The following RP1 variants were observed in gnomAD, a reference collection of about 807,000 sequenced individuals.
The protein encoded by RP1 is oxygen-regulated protein 1.
Under a neutral mutation model 14.8 loss-of-function variants are expected in RP1, and 16 were observed. The ratio of observed to expected loss-of-function variants is 1.08; its 90% confidence interval spans 0.73 to 1.65. RP1 has a LOEUF of 1.65. Among genes scored for constraint, RP1 ranks in the 40% most tolerant of loss-of-function variants. The pLI is 0.00. For synonymous variants in RP1, 876 were observed against 883.6 expected (o/e 0.99, Z 0.15); for missense variants, 2,631 against 2,535.0 (o/e 1.04, Z -0.81).
chr8:54,662,831 T>G (rs1167924808), intron 6 of RP1, among the ~76,000 whole-genome samples: 1 of 152,178 alleles, frequency 6.6e-6, no homozygotes, highest in Non-Finnish European at 1.5e-5. Context: ...GATCTTCATA[T>G]AGCTGTTCTA....
chr8:54,758,227 A>C (rs1234387284), intron 21 of RP1, among the ~76,000 whole-genome samples: 1 of 152,174 alleles, frequency 6.6e-6, no homozygotes, highest in African/African-American at 2.4e-5. Flanking sequence ...TCTCGACAAC[A>C]ATCTACGAGA....
At chr8:54,679,534 T>C (rs774186101) in intron 10 of RP1, 5 of 1,535,628 alleles carry the variant, frequency 3.3e-6, no homozygotes. Context: ...GAAAACTCTT[T>C]TATGATGACT....
chr8:54,587,838 A>G (rs980856162), intron 1 of RP1, among the ~76,000 whole-genome samples: 2 of 152,184 alleles, frequency 1.3e-5, no homozygotes, highest in Non-Finnish European at 2.9e-5. Flanking sequence ...GTATTTTATA[A>G]TGCATGTTTC....
rs749093680 is a variant in RP1 at position 54,630,219 on chromosome 8, ACCT to A, written c.6341_6343del (p.Ser2114del). On this transcript the variant is annotated inframe_deletion, in exon 4 of 4. Transcript: ENST00000220676. ...CCTCTTAGATATTTGCCAAGTTGAG[ACCT>A]CCTTAAATATTAGCAACAGAAATAT... The A allele has an allele frequency of 8.7e-6, 14 of 1,613,594 alleles. No homozygotes were observed. In the East Asian group the frequency reaches 1.6e-4, roughly 18 times the overall value.
chr8:54,609,010 A>G (rs1805526270), intron 1 of RP1, among the ~76,000 whole-genome samples: 1 of 152,148 alleles, frequency 6.6e-6, no homozygotes, highest in Admixed American at 6.5e-5. Context: ...AGTCCAGTTG[A>G]TGGGGCTGGG....
chr8:54,673,940 C>T, intron 8 of RP1: 5 of 1,525,322 alleles, frequency 3.3e-6, no homozygotes, highest in Non-Finnish European at 4.4e-6. Flanking sequence ...TAAGACTCTT[C>T]CACAGAGAGT....
chr8:54,603,890 T>A (rs1174979231), intron 1 of RP1, among the ~76,000 whole-genome samples: 2 of 152,316 alleles, frequency 1.3e-5, no homozygotes, highest in Admixed American at 6.5e-5. Flanking sequence ...ACTGATTTTG[T>A]ATCCTGAGAC....
chr8:54,829,804 A>G (rs1811475984), intron 24 of RP1, among the ~76,000 whole-genome samples: 1 of 152,204 alleles, frequency 6.6e-6, no homozygotes, highest in African/African-American at 2.4e-5. Flanking sequence ...GAGAAAAGTC[A>G]CTGGAGTTCT....
At chr8:54,679,321 C>G (rs1206191843) in intron 9 of RP1, 1 of 1,092,162 alleles carries the variant, frequency 9.2e-7, no homozygotes, top group Admixed American at 2.1e-5. Context: ...CGTCTTTTCC[C>G]TTTCCTGCTA....
intron 1 of RP1, among the ~76,000 whole-genome samples, chr8:54,574,528 C>A (rs577095962): frequency 6.6e-6 from 1 of 152,084 alleles, no homozygotes; most frequent in Non-Finnish European, 1.5e-5. Context: ...GGGAGCATCA[C>A]TTGGGACAAA....
intron 15 of RP1, among the ~76,000 whole-genome samples, chr8:54,707,742 C>A (rs1808185706): frequency 6.6e-6 from 1 of 152,206 alleles, no homozygotes; most frequent in East Asian, 1.9e-4. Context: ...CCTGTCGGTG[C>A]TGCAGACTGG....
intron 6 of RP1, among the ~76,000 whole-genome samples, chr8:54,662,062 A>G (rs553483103): frequency 1.2e-4 from 19 of 152,204 alleles, no homozygotes; most frequent in Admixed American, 4.6e-4. Flanking sequence ...CTGCTTTAAA[A>G]TCTTTGCCAG....
intron 24 of RP1, among the ~76,000 whole-genome samples, chr8:54,817,947 A>G (rs1811172754): frequency 6.6e-6 from 1 of 152,238 alleles, no homozygotes; most frequent in Non-Finnish European, 1.5e-5. Context: ...TGAAAGCATA[A>G]CTGGGAAATG....
intron 22 of RP1, among the ~76,000 whole-genome samples, chr8:54,759,730 C>T (rs1168220632): frequency 1.3e-5 from 2 of 152,132 alleles, no homozygotes. Flanking sequence ...TGCTGTTTCT[C>T]AAGAAAATGC....
chr8:54,585,285 G>A (rs1240371625), intron 1 of RP1, among the ~76,000 whole-genome samples: 3 of 152,154 alleles, frequency 2.0e-5, no homozygotes, highest in Non-Finnish European at 2.9e-5. Context: ...TGAAATTCTG[G>A]GTTGAAAATT....
chr8:54,697,135 GCCGAACAGCA>G (rs1281438723), intron 12 of RP1: 5 of 1,158,374 alleles, frequency 4.3e-6, no homozygotes, highest in Non-Finnish European at 6.3e-6. Flanking sequence ...AGACCTAGGT[GCCGAACAGCA>G]CTACATTTTT....
intron 12 of RP1, among the ~76,000 whole-genome samples, chr8:54,696,218 T>C (rs926715491): frequency 1.3e-5 from 2 of 152,180 alleles, no homozygotes; most frequent in South Asian, 2.1e-4. Flanking sequence ...AATAATTCCA[T>C]GCTAAAAATT....
chr8:54,630,122 A>G lies in RP1; in HGVS notation c.6240A>G (p.Arg2080=), dbSNP rs1343398294. ...NLLNNRFQGS[R]TNLNQVVREN... is the part of the protein sequence containing the mutation. Reference sequence around the variant, plus strand: ...TAAATAACAGATTCCAGGGCTCAAGAACAAATCTCAACCAAGTAGTAAGAG... The same window carrying G: ...TAAATAACAGATTCCAGGGCTCAAGGACAAATCTCAACCAAGTAGTAAGAG... Residue 2080 remains arginine, a synonymous_variant, in exon 4 of 4, where the codon AGA becomes AGG. Coordinates refer to ENST00000220676, the MANE Select transcript of RP1 (RefSeq NM_006269.2). The G allele has an allele frequency of 1.2e-6, 2 of 1,613,892 alleles. No homozygotes were observed. Among genetic ancestry groups the G allele is most frequent in the South Asian group, 1.1e-5 (1 of 91,066 alleles).
intron 25 of RP1, among the ~76,000 whole-genome samples, chr8:54,848,961 C>T (rs1811994756): frequency 6.6e-6 from 1 of 152,128 alleles, no homozygotes; most frequent in South Asian, 2.1e-4. Flanking sequence ...ATTGGCCAGG[C>T]TGGTCTTGAA....
Sources: gnomAD v4.1 joint callset for allele counts (sites outside exome capture counted in the v4.1 genomes callset) on GRCh38, gnomAD v4.1.1 for gene constraint, MANE v1.5 for transcripts, NCBI Gene and HGNC (gene_info 2026-07-23, HGNC 2026-07-21) for gene names.